Variants in PRKG1 observed in about 807,000 individuals in gnomAD.
PRKG1 encodes cGMP-dependent protein kinase 1.
PRKG1 carries 35 observed loss-of-function variants against 88.1 expected under a neutral mutation model. That is an observed-to-expected ratio of 0.40 (90% CI 0.30 to 0.53). PRKG1 has a LOEUF of 0.53. Among genes scored for constraint, PRKG1 ranks in the 20% least tolerant of loss-of-function variants. The pLI is 0.59. For synonymous variants in PRKG1, 303 were observed against 292.5 expected (o/e 1.04, Z -0.37); for missense variants, 540 against 839.8 (o/e 0.64, Z 4.41).
At chr10:51,806,393 C>T (rs1193500160) in intron 4 of PRKG1, among the ~76,000 whole-genome samples, 5 of 151,946 alleles carry the variant, frequency 3.3e-5, no homozygotes, top group Non-Finnish European at 7.4e-5. Context: ...TGCATACGCA[C>T]GTGTGTATGT....
chr10:51,016,770 G>C (rs1243338179), intron 1 of PRKG1, among the ~76,000 whole-genome samples: 1 of 140,270 alleles, frequency 7.1e-6, no homozygotes, highest in Non-Finnish European at 1.5e-5. Context: ...CCAGGGTCAA[G>C]CGATTCTCCT....
At chr10:52,167,287 T>G (rs1260669232) in intron 9 of PRKG1, among the ~76,000 whole-genome samples, 9 of 151,972 alleles carry the variant, frequency 5.9e-5, no homozygotes, top group Non-Finnish European at 1.0e-4. Context: ...TCTCACTCTG[T>G]GAACTAAGAG....
chr10:51,548,585 T>A (rs1842500318), intron 3 of PRKG1, among the ~76,000 whole-genome samples: 1 of 152,168 alleles, frequency 6.6e-6, no homozygotes, highest in Non-Finnish European at 1.5e-5. Flanking sequence ...TTTAGCTCAG[T>A]GTTTTCGTAA....
intron 2 of PRKG1, among the ~76,000 whole-genome samples, chr10:51,228,780 T>G (rs1229232240): frequency 6.6e-6 from 1 of 152,226 alleles, no homozygotes; most frequent in African/African-American, 2.4e-5. Context: ...GATTTACACC[T>G]TCCTGTTAAC....
chr10:52,102,612 G>A (rs1589607696), intron 7 of PRKG1, among the ~76,000 whole-genome samples: 1 of 136,878 alleles, frequency 7.3e-6, no homozygotes, highest in Non-Finnish European at 1.7e-5. Flanking sequence ...AAAAAAATTG[G>A]TGGGAGGTAA....
At chr10:52,031,970 G>T (rs1322178205) in intron 5 of PRKG1, among the ~76,000 whole-genome samples, 1 of 152,166 alleles carries the variant, frequency 6.6e-6, no homozygotes, top group African/African-American at 2.4e-5. Flanking sequence ...GCCCTGAAAT[G>T]GCTGGAGTGT....
At chr10:51,808,602 C>CA (rs1434559027) in intron 4 of PRKG1, among the ~76,000 whole-genome samples, 13 of 151,912 alleles carry the variant, frequency 8.6e-5, no homozygotes, top group African/African-American at 2.7e-4. Context: ...GACCCTGTCT[C>CA]AAAAAACAAA....
intron 2 of PRKG1, among the ~76,000 whole-genome samples, chr10:51,439,942 C>A (rs1181728378): frequency 6.6e-6 from 1 of 151,826 alleles, no homozygotes; most frequent in Non-Finnish European, 1.5e-5. Context: ...TGAAATACTG[C>A]AAAGTAGATT....
intron 2 of PRKG1, among the ~76,000 whole-genome samples, chr10:51,378,569 C>A (rs1462621527): frequency 6.6e-6 from 1 of 152,032 alleles, no homozygotes; most frequent in Non-Finnish European, 1.5e-5. Context: ...TACATAAAAC[C>A]TCTAACCTCT....
chr10:51,411,666 CTT>C (rs1280570367), intron 2 of PRKG1, among the ~76,000 whole-genome samples: 1 of 152,180 alleles, frequency 6.6e-6, no homozygotes, highest in Non-Finnish European at 1.5e-5. Flanking sequence ...CAAGTTGTAA[CTT>C]TGATCTCTTT....
At chr10:51,139,694 T>G (rs1395481501) in intron 1 of PRKG1, among the ~76,000 whole-genome samples, 1 of 152,198 alleles carries the variant, frequency 6.6e-6, no homozygotes, top group Admixed American at 6.5e-5. Context: ...CAAGTTAGTC[T>G]CACTTCTATT....
At chr10:51,279,423 G>A (rs954916577) in intron 2 of PRKG1, among the ~76,000 whole-genome samples, 1 of 151,268 alleles carries the variant, frequency 6.6e-6, no homozygotes, top group Non-Finnish European at 1.5e-5. Context: ...TAGAATTCCT[G>A]GATATCCTTG....
chr10:51,852,329 T>C (rs1184211262), intron 4 of PRKG1, among the ~76,000 whole-genome samples: 3 of 150,690 alleles, frequency 2.0e-5, no homozygotes, highest in Admixed American at 1.3e-4. Context: ...TGTATATATA[T>C]ACATATACAC....
At chr10:51,329,818 C>T (rs1841685337) in intron 2 of PRKG1, among the ~76,000 whole-genome samples, 1 of 151,820 alleles carries the variant, frequency 6.6e-6, no homozygotes, top group Non-Finnish European at 1.5e-5. Context: ...AAGTCTTCTG[C>T]TAGCTGTATT....
chr10:51,385,167 G>A (rs1387495909), intron 2 of PRKG1, among the ~76,000 whole-genome samples: 1 of 152,174 alleles, frequency 6.6e-6, no homozygotes, highest in African/African-American at 2.4e-5. Context: ...GTTGGGTAAT[G>A]CGATACATTA....
chr10:51,689,387 T>C (rs920624626), intron 3 of PRKG1, among the ~76,000 whole-genome samples: 1 of 152,200 alleles, frequency 6.6e-6, no homozygotes, highest in Non-Finnish European at 1.5e-5. Flanking sequence ...TATTCATATA[T>C]TATAATAATA....
intron 2 of PRKG1, among the ~76,000 whole-genome samples, chr10:51,167,464 G>A (rs1392348736): frequency 1.3e-5 from 2 of 152,146 alleles, no homozygotes; most frequent in Non-Finnish European, 2.9e-5. Flanking sequence ...GATTTCGAGA[G>A]CATTAGAGGA....
intron 5 of PRKG1, among the ~76,000 whole-genome samples, chr10:52,005,979 G>A (rs1295016902): frequency 1.3e-5 from 2 of 151,402 alleles, no homozygotes; most frequent in African/African-American, 2.4e-5. Flanking sequence ...AATAATCAGA[G>A]GTGTCATTAA....
intron 3 of PRKG1, among the ~76,000 whole-genome samples, chr10:51,700,945 T>C (rs951879602): frequency 1.3e-5 from 2 of 152,172 alleles, no homozygotes; most frequent in Non-Finnish European, 2.9e-5. Flanking sequence ...AAAGAAAGTA[T>C]TTCCAGTCAA....
Sources: allele counts gnomAD v4.1 joint callset (sites outside exome capture counted in the v4.1 genomes callset), GRCh38; gene constraint gnomAD v4.1.1; transcripts MANE v1.5; gene names NCBI Gene and HGNC (gene_info 2026-07-23, HGNC 2026-07-21).